Variants in CDH5 observed in about 807,000 individuals in gnomAD.
The protein encoded by CDH5 is cadherin 5.
A neutral mutation model predicts 62.0 loss-of-function variants in CDH5; 28 were observed. That is an observed-to-expected ratio of 0.45 (90% CI 0.33 to 0.62). CDH5 has a LOEUF of 0.62. Ranked by LOEUF, CDH5 falls within the 20% of genes least tolerant of loss-of-function variation. CDH5 has a pLI of 0.02. For missense variants in CDH5, 940 were observed against 1,065.1 expected, an observed-to-expected ratio of 0.88 and a Z score of 1.63; for synonymous variants, 464 against 445.8, an observed-to-expected ratio of 1.04 and a Z score of -0.52.
intron 1 of CDH5, 29 bp from the exon 2 acceptor site, chr16:66,379,290 G>A (rs771759020): frequency 3.3e-6 from 5 of 1,513,448 alleles, no homozygotes; most frequent in Non-Finnish European, 3.6e-6. Context: ...TCACTGGCCA[G>A]AGTCTGAATG....
chr16:66,390,678 G>C (rs1961068908), intron 6 of CDH5, 88 bp downstream of exon 6: 1 of 1,260,124 alleles, frequency 7.9e-7, no homozygotes, highest in South Asian at 1.4e-5. Context: ...TCCTGGGCCA[G>C]AGACCATCAA....
intron 2 of CDH5, among the ~76,000 whole-genome samples, 200 bp from the exon 3 acceptor site, chr16:66,386,609 G>A (rs1240066076): frequency 6.6e-6 from 1 of 152,062 alleles, no homozygotes; most frequent in Admixed American, 6.5e-5. Flanking sequence ...TTCCTGCAAA[G>A]GACATGATTT....
intron 2 of CDH5, among the ~76,000 whole-genome samples, chr16:66,382,496 A>T (rs62037250): frequency 0.38 from 57,860 of 151,928 alleles, 11,253 homozygotes; most frequent in East Asian, 0.52. Context: ...ATCCACCTGC[A>T]TCCTTCCCGG....
Position 66,395,864 on chromosome 16 carries a change from A to T in CDH5, c.1218-195A>T, listed in dbSNP as rs372679690. 2.1e-3 allele frequency: 1,102 copies of T among 532,782 alleles called. 24 individuals carry two copies. The South Asian group carries it at 0.031, about 15-fold the overall frequency. 33.0% of individuals were successfully genotyped at this position (532,782 alleles called of 1,614,324 possible). ...AGTGATGGCAATGTAACTAAGATCA[A>T]AGACATTATCTTGCTATCCTGAATC... On this transcript the variant is annotated intron_variant, in intron 7 of 11. Coordinates refer to ENST00000341529, the MANE Select transcript of CDH5 (RefSeq NM_001795.5).
At chr16:66,402,358 C>T (rs1961297144) in intron 11 of CDH5, among the ~76,000 whole-genome samples, 1 of 136,058 alleles carries the variant, frequency 7.3e-6, no homozygotes, top group Admixed American at 7.4e-5. Context: ...TGTGGGGGAA[C>T]GGCAGCGGTG....
intron 1 of CDH5, among the ~76,000 whole-genome samples, chr16:66,373,826 G>A (rs1259780256): frequency 6.6e-6 from 1 of 152,164 alleles, no homozygotes; most frequent in Non-Finnish European, 1.5e-5. Context: ...AACCATTCAT[G>A]AGTTGTTTGT....
At chr16:66,399,148 C>A (rs1466033224) in intron 10 of CDH5, among the ~76,000 whole-genome samples, 1 of 152,168 alleles carries the variant, frequency 6.6e-6, no homozygotes, top group Non-Finnish European at 1.5e-5. Context: ...TCCCAAGGAT[C>A]CAGTGAGCTT....
chr16:66,400,641 G>A, intron 10 of CDH5, 130 bp from the exon 11 acceptor site: 1 of 1,027,666 alleles, frequency 9.7e-7, no homozygotes. Flanking sequence ...AGAGGCGCTG[G>A]GTGCAAAGGG....
chr16:66,372,449 C>A (rs1278050513), intron 1 of CDH5, among the ~76,000 whole-genome samples: 1 of 152,208 alleles, frequency 6.6e-6, no homozygotes, highest in Admixed American at 6.5e-5. Context: ...TGCAACCAAA[C>A]CTGGTGGGGT....
At chr16:66,382,648 C>T (rs1212212682) in intron 2 of CDH5, among the ~76,000 whole-genome samples, 3 of 152,276 alleles carry the variant, frequency 2.0e-5, no homozygotes, top group Non-Finnish European at 2.9e-5. Context: ...GCAGGAAGAA[C>T]GCCAGGCCTG....
chr16:66,371,492 G>A (rs1960689277), intron 1 of CDH5, among the ~76,000 whole-genome samples: 1 of 152,176 alleles, frequency 6.6e-6, no homozygotes, highest in South Asian at 2.1e-4. Flanking sequence ...AGGGAGGAGA[G>A]CAGCCAGGCC....
intron 1 of CDH5, among the ~76,000 whole-genome samples, chr16:66,374,511 G>A (rs1287270671): frequency 6.6e-6 from 1 of 152,174 alleles, no homozygotes; most frequent in Non-Finnish European, 1.5e-5. Context: ...TAGCAGCAGG[G>A]CCCCTGCTGG....
At chr16:66,389,333 G>A (rs753770803) in intron 4 of CDH5, 25 bp from the exon 5 acceptor site, 5 of 1,597,082 alleles carry the variant, frequency 3.1e-6, no homozygotes, top group Non-Finnish European at 4.3e-6. Context: ...TGGTAACATG[G>A]TTCCTGCTGG....
chr16:66,386,776 C>T (rs1250287253), intron 2 of CDH5, 33 bp from the exon 3 acceptor site: 3 of 1,555,804 alleles, frequency 1.9e-6, no homozygotes, highest in Non-Finnish European at 2.6e-6. Flanking sequence ...CACTGCCGCC[C>T]ATTCCCAGCT....
chr16:66,391,712 G>A (rs1961087443), intron 6 of CDH5, among the ~76,000 whole-genome samples: 1 of 152,196 alleles, frequency 6.6e-6, no homozygotes. Flanking sequence ...GGTGGAAGTT[G>A]TAGTGAGCGG....
At chr16:66,372,305 T>C (rs1960706081) in intron 1 of CDH5, among the ~76,000 whole-genome samples, 1 of 152,256 alleles carries the variant, frequency 6.6e-6, no homozygotes, top group Non-Finnish European at 1.5e-5. Context: ...GCCTGGCACA[T>C]AGTAGATGCT....
intron 10 of CDH5, among the ~76,000 whole-genome samples, chr16:66,398,773 G>A (rs570622168): frequency 3.3e-5 from 5 of 152,280 alleles, no homozygotes; most frequent in South Asian, 2.1e-4. Flanking sequence ...TAACAGGGTC[G>A]GGGTGAGGTT....
intron 1 of CDH5, among the ~76,000 whole-genome samples, chr16:66,377,926 A>G (rs76652688): frequency 0.042 from 6,320 of 152,244 alleles, 173 homozygotes; most frequent in Non-Finnish European, 0.063. Flanking sequence ...AGAGTGTGCA[A>G]CCTGTGCAAC....
At chr16:66,401,209 C>T (rs375842307) in intron 11 of CDH5, among the ~76,000 whole-genome samples, 193 bp downstream of exon 11, 8 of 152,192 alleles carry the variant, frequency 5.3e-5, no homozygotes, top group African/African-American at 9.6e-5. Context: ...TGGGTGCTCA[C>T]GGTGGGGGAT....
Sources: allele counts gnomAD v4.1 joint callset (sites outside exome capture counted in the v4.1 genomes callset), GRCh38; gene constraint gnomAD v4.1.1; transcripts MANE v1.5; gene names NCBI Gene and HGNC (gene_info 2026-07-23, HGNC 2026-07-21).